CADPS: variants seen among roughly 807,000 people sequenced by gnomAD.
CADPS encodes the protein calcium dependent secretion activator, also known as calcium-dependent secretion activator 1.
CADPS carries 57 observed loss-of-function variants against 167.3 expected under a neutral mutation model. That is an observed-to-expected ratio of 0.34 (90% confidence interval 0.28 to 0.42). The LOEUF (loss-of-function observed/expected upper bound fraction) is 0.42, where lower values mean the gene tolerates loss of function less well. Ranked by LOEUF, CADPS falls within the 20% of genes least tolerant of loss-of-function variation. The pLI, the probability that CADPS is intolerant of heterozygous loss-of-function variation, is 1.00. For synonymous variants in CADPS, 676 were observed against 635.3 expected, an observed-to-expected ratio of 1.06 and a Z score of -0.96; for missense variants, 1,414 against 1,738.1, an observed-to-expected ratio of 0.81 and a Z score of 3.32.
rs767659077 is a variant in CADPS, at chr3:62,399,378, G to A, written c.*28C>T. The A allele has an allele frequency of 3.1e-6, 5 of 1,611,378 alleles. No individual in the cohort carries two copies. The highest frequency in any genetic ancestry group is 4.2e-6 in the Non-Finnish European group (5 of 1,177,640). Reference sequence around the variant, plus strand: ...GGACATGCACTGATTACAGGACTCTGTCCCAGCAGACTCTAGGACCAAATG... The same window carrying A: ...GGACATGCACTGATTACAGGACTCTATCCCAGCAGACTCTAGGACCAAATG... On this transcript the variant is annotated 3_prime_UTR_variant, in exon 30 of 30. Coordinates refer to ENST00000383710, the MANE Select transcript of CADPS (RefSeq NM_003716.4). The surrounding 1 kb of genome is among the most constrained non-coding windows in gnomAD (Gnocchi z 5.6).
chr3:62,667,037 GTT>G (rs35606285), intron 3 of CADPS, among the ~76,000 whole-genome samples: 3 of 133,720 alleles, frequency 2.2e-5, no homozygotes, highest in Admixed American at 7.6e-5. Context: ...TTCCAATCTT[GTT>G]TTTTTTTTTT....
At chr3:62,606,987 T>C (rs889624818) in intron 6 of CADPS, among the ~76,000 whole-genome samples, 3 of 152,210 alleles carry the variant, frequency 2.0e-5, no homozygotes, top group African/African-American at 7.2e-5. Flanking sequence ...TGAGAATAAA[T>C]GACTATGGCT....
intron 1 of CADPS, among the ~76,000 whole-genome samples, chr3:62,803,316 G>A (rs1267684820): frequency 6.8e-6 from 1 of 146,472 alleles, no homozygotes; most frequent in Non-Finnish European, 1.5e-5. Flanking sequence ...CTGAATAATG[G>A]CATTTGAGAT....
At chr3:62,464,310 C>T (rs1352027283) in intron 26 of CADPS, among the ~76,000 whole-genome samples, 2 of 152,204 alleles carry the variant, frequency 1.3e-5, no homozygotes, top group Admixed American at 6.5e-5. Flanking sequence ...GTGCCATCCA[C>T]TACCCTGTGC....
At chr3:62,856,117 A>C (rs887312876) in intron 1 of CADPS, among the ~76,000 whole-genome samples, 1 of 152,196 alleles carries the variant, frequency 6.6e-6, no homozygotes, top group Non-Finnish European at 1.5e-5. Context: ...CTTGGTGAGC[A>C]TATACCTCAG....
intron 3 of CADPS, among the ~76,000 whole-genome samples, chr3:62,698,731 CTTTT>C (rs201324385): frequency 1.2e-4 from 8 of 67,208 alleles, no homozygotes; most frequent in Non-Finnish European, 2.1e-4. Flanking sequence ...TCCCCACTTC[CTTTT>C]TTTTTTTTTT....
intron 3 of CADPS, among the ~76,000 whole-genome samples, chr3:62,725,537 C>T (rs2076578008): frequency 6.6e-6 from 1 of 152,204 alleles, no homozygotes; most frequent in South Asian, 2.1e-4. Context: ...TATTTAACAA[C>T]TCAGTTTCCT....
In CADPS at chr3:62,875,089, G is replaced by A. The variant is rs1265118685; in HGVS notation, c.-60C>T. On this transcript the variant is annotated 5_prime_UTR_variant, in exon 1 of 30. Coordinates refer to ENST00000383710, the MANE Select transcript of CADPS (RefSeq NM_003716.4). ...CGGCTTGGAGTGCAAAAGGTGGGGG[G>A]CGCTGGAGGCAGCCGGGGATCAGCT... 2.1e-5 allele frequency: 32 copies of A among 1,492,250 alleles called. 1 individual carries two copies. The highest frequency in any genetic ancestry group is 2.2e-5 in the Non-Finnish European group (25 of 1,113,512). 92.4% of individuals were successfully genotyped at this position (1,492,250 alleles called of 1,614,324 possible). A position where few individuals can be genotyped will look rare whatever the true frequency, so the allele number is the denominator to read the frequency against.
At chr3:62,510,404 C>T (rs916364047) in intron 17 of CADPS, among the ~76,000 whole-genome samples, 1 of 152,054 alleles carries the variant, frequency 6.6e-6, no homozygotes, top group Non-Finnish European at 1.5e-5. Flanking sequence ...AGAACTGAGG[C>T]AAAACAGCAA....
chr3:62,783,663 G>C (rs989470), intron 1 of CADPS, among the ~76,000 whole-genome samples: 1 of 152,220 alleles, frequency 6.6e-6, no homozygotes, highest in African/African-American at 2.4e-5. Context: ...ATGTAAGACT[G>C]TTTGTTAAAG....
intron 24 of CADPS, among the ~76,000 whole-genome samples, chr3:62,471,181 C>T (rs1369005397): frequency 1.3e-5 from 2 of 152,098 alleles, no homozygotes; most frequent in African/African-American, 2.4e-5. Flanking sequence ...GGAGTCCATA[C>T]GATGTCATGA....
chr3:62,812,247 G>C (rs1193800558), intron 1 of CADPS, among the ~76,000 whole-genome samples: 6 of 152,120 alleles, frequency 3.9e-5, no homozygotes, highest in Non-Finnish European at 8.8e-5. Flanking sequence ...TTTCCTGCAT[G>C]TGTACATTTT....
At chr3:62,694,937 G>T (rs573358378) in intron 3 of CADPS, among the ~76,000 whole-genome samples, 3 of 152,136 alleles carry the variant, frequency 2.0e-5, no homozygotes, top group South Asian at 2.1e-4. Context: ...CAGAATTCAC[G>T]GGCCCAGCAA....
At chr3:62,788,555 C>T (rs1381620176) in intron 1 of CADPS, among the ~76,000 whole-genome samples, 1 of 152,064 alleles carries the variant, frequency 6.6e-6, no homozygotes, top group African/African-American at 2.4e-5. Context: ...TCTTGGGACC[C>T]GACACAGCTG....
chr3:62,703,815 G>T (rs1163454429), intron 3 of CADPS, among the ~76,000 whole-genome samples: 1 of 152,120 alleles, frequency 6.6e-6, no homozygotes, highest in Non-Finnish European at 1.5e-5. Flanking sequence ...TTTGAAAGAA[G>T]AGTAAAGATC....
At position 62,812,021 on chromosome 3, in the gene CADPS, T is replaced by A. The variant is rs147880419; in HGVS notation, c.442-46037A>T. Among the ~76,000 whole-genome samples, 1,209 of 152,256 alleles carry A rather than the reference T, an allele frequency of 7.9e-3. 20 individuals are homozygous for A. Among genetic ancestry groups the A allele is most frequent in the African/African-American group, 0.028 (1,159 of 41,550 alleles). On this transcript the variant is annotated intron_variant, in intron 1 of 29. Transcript: ENST00000383710. Reference sequence around the variant, plus strand: ...TGTTTATCTTATGTAATGGTATATATAAAATCAAATTACATTAAAAAGATT... The same window carrying A: ...TGTTTATCTTATGTAATGGTATATAAAAAATCAAATTACATTAAAAAGATT...
At chr3:62,442,423 T>C (rs75953135) in intron 27 of CADPS, among the ~76,000 whole-genome samples, 9,432 of 152,182 alleles carry the variant, frequency 0.062, 423 homozygotes, top group East Asian at 0.2. Context: ...TTCACTATGT[T>C]GGCCAGGCTG....
intron 4 of CADPS, 68 bp downstream of exon 4, chr3:62,662,246 A>C: frequency 1.6e-6 from 2 of 1,284,988 alleles, no homozygotes; most frequent in Non-Finnish European, 1.1e-6. Flanking sequence ...GAGGCTGTCA[A>C]TAATCAATGT....
At chr3:62,804,224 G>A (rs2093949628) in intron 1 of CADPS, among the ~76,000 whole-genome samples, 1 of 152,154 alleles carries the variant, frequency 6.6e-6, no homozygotes, top group Non-Finnish European at 1.5e-5. Flanking sequence ...ATACTTGACG[G>A]ATGAATGAAT....
Sources: gnomAD v4.1 joint callset for allele counts (sites outside exome capture counted in the v4.1 genomes callset) on GRCh38, gnomAD v4.1.1 for gene constraint, Gnocchi (gnomAD v3.1) non-coding constraint, MANE v1.5 for transcripts, NCBI Gene and HGNC (gene_info 2026-07-23, HGNC 2026-07-21) for gene names.